NCAM2: variants seen among roughly 807,000 people sequenced by gnomAD.
NCAM2 encodes N-CAM-2.
In NCAM2, 30 loss-of-function variants were observed where a neutral mutation model predicts 98.1. The observed-to-expected ratio is 0.31, with a 90% CI of 0.23 to 0.41. The LOEUF (loss-of-function observed/expected upper bound fraction) is 0.41, where lower values mean the gene tolerates loss of function less well. NCAM2 is among the 10% of genes least tolerant of loss of function. The pLI is 1.00. For missense variants in NCAM2, 867 were observed against 1,005.8 expected (o/e 0.86, Z 1.87); for synonymous variants, 368 against 342.4 (o/e 1.07, Z -0.83).
chr21:21,107,471 T>C (rs1049318829), intron 1 of NCAM2, among the ~76,000 whole-genome samples: 1 of 152,138 alleles, frequency 6.6e-6, no homozygotes, highest in Non-Finnish European at 1.5e-5. Flanking sequence ...GGTCAGTTTT[T>C]TCTGAAAAGT....
At chr21:21,402,242 A>G (rs920985286) in intron 9 of NCAM2, among the ~76,000 whole-genome samples, 1 of 152,148 alleles carries the variant, frequency 6.6e-6, no homozygotes, top group Non-Finnish European at 1.5e-5. Flanking sequence ...TAGGAGAGAT[A>G]TGGCTAAATT....
Position 21,032,714 on chromosome 21 carries a change from A to G in NCAM2, c.55+34096A>G, listed in dbSNP as rs528277118. 5.3e-5 allele frequency among the ~76,000 whole-genome samples: 8 copies of G among 152,272 alleles called. No individual in the cohort carries two copies. In the South Asian group the frequency reaches 1.0e-3, roughly 20 times the overall value. Reference sequence around the variant, plus strand: ...TAAGGAATTGTTATTTCAAATACCAATTTACTCAAACAATAGAATAGTCAG... The same window carrying G: ...TAAGGAATTGTTATTTCAAATACCAGTTTACTCAAACAATAGAATAGTCAG... On this transcript the variant is annotated intron_variant, in intron 1 of 17. Transcript: ENST00000400546.
intron 5 of NCAM2, among the ~76,000 whole-genome samples, chr21:21,293,063 C>T (rs545875717): frequency 6.6e-6 from 1 of 151,978 alleles, no homozygotes; most frequent in South Asian, 2.1e-4. Flanking sequence ...GGAAAACCGC[C>T]TCCATGATCC....
chr21:21,430,011 CAT>C (rs1280667507), intron 11 of NCAM2, among the ~76,000 whole-genome samples: 2 of 151,882 alleles, frequency 1.3e-5, no homozygotes, highest in African/African-American at 4.8e-5. Context: ...TTTTGACTGC[CAT>C]ATGAGATTTT....
At chr21:21,044,830 T>G (rs2146273297) in intron 1 of NCAM2, among the ~76,000 whole-genome samples, 1 of 152,084 alleles carries the variant, frequency 6.6e-6, no homozygotes, top group Admixed American at 6.5e-5. Flanking sequence ...TTGGGCATGG[T>G]GGCGTGCATC....
At chr21:21,327,763 T>C (rs1003309886) in intron 6 of NCAM2, among the ~76,000 whole-genome samples, 4 of 152,196 alleles carry the variant, frequency 2.6e-5, no homozygotes, top group African/African-American at 7.2e-5. Context: ...ACAGTCATTC[T>C]GGGGGTTAGG....
chr21:21,351,941 G>A (rs1446915764), intron 8 of NCAM2, among the ~76,000 whole-genome samples: 1 of 151,908 alleles, frequency 6.6e-6, no homozygotes, highest in Non-Finnish European at 1.5e-5. Context: ...CTAGAGACAG[G>A]GTTTCACCAT....
intron 12 of NCAM2, among the ~76,000 whole-genome samples, chr21:21,443,077 C>T (rs28515481): frequency 0.21 from 31,300 of 152,096 alleles, 3,370 homozygotes; most frequent in African/African-American, 0.27. Context: ...TGTTGTGTCT[C>T]TGTTCTCAAT....
At chr21:21,304,470 T>C (rs185419375) in intron 5 of NCAM2, among the ~76,000 whole-genome samples, 87 of 152,168 alleles carry the variant, frequency 5.7e-4, no homozygotes, top group Non-Finnish European at 9.4e-4. Flanking sequence ...ATTGATCTAT[T>C]TATTTGTCCC....
chr21:21,502,011 C>A (rs1330948662), intron 15 of NCAM2, among the ~76,000 whole-genome samples: 1 of 151,886 alleles, frequency 6.6e-6, no homozygotes, highest in Non-Finnish European at 1.5e-5. Context: ...TCTCTATCCC[C>A]TGGAGGAAAC....
intron 11 of NCAM2, 71 bp from the exon 12 acceptor site, chr21:21,432,037 A>G (rs2077355842): frequency 7.1e-7 from 1 of 1,415,992 alleles, no homozygotes; most frequent in Admixed American, 2.0e-5. Flanking sequence ...AGTTCTCATA[A>G]CACCATAAGC....
intron 8 of NCAM2, 129 bp downstream of exon 8, chr21:21,338,663 A>C (rs144793670): frequency 2.0e-6 from 2 of 991,710 alleles, no homozygotes. Flanking sequence ...TTTGATTTTT[A>C]AAAAGGTAAC....
chr21:21,260,595 T>C (rs1033182144), intron 1 of NCAM2, among the ~76,000 whole-genome samples: 1 of 151,774 alleles, frequency 6.6e-6, no homozygotes, highest in Admixed American at 6.6e-5. Flanking sequence ...AGAATTTTAT[T>C]TCTTGCCAAA....
chr21:21,502,216 C>A (rs529593677), intron 15 of NCAM2, among the ~76,000 whole-genome samples: 1 of 151,966 alleles, frequency 6.6e-6, no homozygotes, highest in Non-Finnish European at 1.5e-5. Context: ...GTATGTTTTA[C>A]AATGGATAAT....
intron 5 of NCAM2, among the ~76,000 whole-genome samples, chr21:21,306,746 T>C (rs578182640): frequency 1.8e-4 from 28 of 152,278 alleles, no homozygotes; most frequent in Admixed American, 1.2e-3. Context: ...TGCATTGTTA[T>C]TGACTATAGT....
intron 1 of NCAM2, among the ~76,000 whole-genome samples, chr21:21,238,995 C>A (rs2070955797): frequency 6.6e-6 from 1 of 151,968 alleles, no homozygotes; most frequent in Non-Finnish European, 1.5e-5. Context: ...ATTAGATTCC[C>A]AATTTCCTTC....
In NCAM2 at chr21:21,006,408, C is replaced by T. The variant is rs563225005; in HGVS notation, c.55+7790C>T. Among the ~76,000 whole-genome samples, 5 of 152,196 alleles carry T rather than the reference C, an allele frequency of 3.3e-5. No homozygotes were observed. In the South Asian group the frequency reaches 1.0e-3, roughly 32 times the overall value. On this transcript the variant is annotated intron_variant, in intron 1 of 17. Coordinates refer to ENST00000400546, the MANE Select transcript of NCAM2 (RefSeq NM_004540.5). ...TCACTAGTCCCAGCTACTTGGAAGGCTGAGGTTAGAAAATCACTTGAGTCT... is the reference window on the plus strand; with the variant it reads ...TCACTAGTCCCAGCTACTTGGAAGGTTGAGGTTAGAAAATCACTTGAGTCT...
intron 1 of NCAM2, among the ~76,000 whole-genome samples, chr21:21,026,640 T>A (rs188286089): frequency 0.014 from 1,867 of 135,740 alleles, 36 homozygotes; most frequent in African/African-American, 0.045. Context: ...AAAAAAAAAT[T>A]TTTCAAATTT....
chr21:21,481,526 G>A (rs1985885632), intron 15 of NCAM2, among the ~76,000 whole-genome samples: 1 of 152,170 alleles, frequency 6.6e-6, no homozygotes, highest in Admixed American at 6.5e-5. Context: ...TGTATGTGAG[G>A]TTAGGGAGTT....
Sources: allele counts gnomAD v4.1 joint callset (sites outside exome capture counted in the v4.1 genomes callset), GRCh38; gene constraint gnomAD v4.1.1; transcripts MANE v1.5; gene names NCBI Gene and HGNC (gene_info 2026-07-23, HGNC 2026-07-21).